Variants in MBNL1 observed in about 807,000 individuals in gnomAD.
MBNL1 encodes muscleblind-like protein 1.
A neutral mutation model predicts 42.2 loss-of-function variants in MBNL1; 8 were observed. The ratio of observed to expected loss-of-function variants is 0.19; its 90% CI spans 0.11 to 0.34. MBNL1 has a LOEUF of 0.34. Ranked by LOEUF, MBNL1 falls within the 10% of genes least tolerant of loss-of-function variation. MBNL1 has a pLI of 1.00. For synonymous variants in MBNL1, 169 were observed against 173.9 expected (o/e 0.97, Z 0.22); for missense variants, 309 against 495.3 (o/e 0.62, Z 3.57).
intron 2 of MBNL1, among the ~76,000 whole-genome samples, chr3:152,330,793 G>C (rs941633644): frequency 6.6e-6 from 1 of 152,106 alleles, no homozygotes; most frequent in African/African-American, 2.4e-5. Flanking sequence ...CACTTACTGT[G>C]CCTAATTTAT....
intron 2 of MBNL1, among the ~76,000 whole-genome samples, chr3:152,312,170 C>T (rs1321431898): frequency 4.7e-5 from 6 of 128,062 alleles, no homozygotes; most frequent in Admixed American, 1.9e-4. Context: ...CCAGCCTGGG[C>T]GACAGAGCGA....
chr3:152,356,260 TTATTATTC>T (rs1417248568), intron 2 of MBNL1, among the ~76,000 whole-genome samples: 1 of 74,268 alleles, frequency 1.3e-5, no homozygotes, highest in Non-Finnish European at 2.9e-5. Context: ...CCCGAAAAAC[TTATTATTC>T]TATTCTTTCC....
At chr3:152,409,770 C>T (rs1488087796) in intron 2 of MBNL1, among the ~76,000 whole-genome samples, 1 of 152,094 alleles carries the variant, frequency 6.6e-6, no homozygotes, top group African/African-American at 2.4e-5. Context: ...AATTGTAATC[C>T]TGCCACATAG....
chr3:152,411,646 A>G (rs150350012), intron 2 of MBNL1, among the ~76,000 whole-genome samples: 244 of 152,342 alleles, frequency 1.6e-3, no homozygotes, highest in African/African-American at 5.5e-3. Flanking sequence ...GCTCCAATAT[A>G]AAAGTCTGTA....
intron 2 of MBNL1, among the ~76,000 whole-genome samples, chr3:152,318,042 GGT>G (rs1425625183): frequency 2.0e-5 from 3 of 152,154 alleles, no homozygotes; most frequent in African/African-American, 7.2e-5. Context: ...GCATAAATTG[GGT>G]GTGTTGTTAC....
intron 2 of MBNL1, among the ~76,000 whole-genome samples, chr3:152,310,357 G>A (rs543611316): frequency 4.5e-4 from 68 of 152,260 alleles, no homozygotes; most frequent in South Asian, 2.1e-3. Flanking sequence ...TAACCCTTAC[G>A]AGGTTACACA....
At chr3:152,337,400 A>T (rs2091000711) in intron 2 of MBNL1, among the ~76,000 whole-genome samples, 1 of 152,142 alleles carries the variant, frequency 6.6e-6, no homozygotes. Flanking sequence ...CAGGTGGGTC[A>T]TTTGAGGTCA....
chr3:152,299,943 C>T lies in MBNL1; in HGVS notation c.-251C>T. On this transcript the variant is annotated 5_prime_UTR_variant, in exon 2 of 10. Coordinates refer to ENST00000324210, the MANE Select transcript of MBNL1 (RefSeq NM_021038.5). Reference sequence around the variant, plus strand: ...TTTAAACGTTCATCTACTTACAATCCTAGTATTTCTCTAAAAACCAAAACC... The same window carrying T: ...TTTAAACGTTCATCTACTTACAATCTTAGTATTTCTCTAAAAACCAAAACC... 2.1e-6 allele frequency: 1 copy of T among 477,944 alleles called. No individual in the cohort carries two copies. Among genetic ancestry groups the T allele is most frequent in the Non-Finnish European group, 3.7e-6 (1 of 273,000 alleles). 29.6% of individuals were successfully genotyped at this position (477,944 alleles called of 1,614,324 possible).
chr3:152,457,245 T>C (rs920354156), intron 8 of MBNL1, among the ~76,000 whole-genome samples: 24 of 152,372 alleles, frequency 1.6e-4, no homozygotes, highest in African/African-American at 5.8e-4. Flanking sequence ...GTTTCATTTA[T>C]GTAGATTTGG....
intron 2 of MBNL1, among the ~76,000 whole-genome samples, chr3:152,349,465 A>G (rs941124586): frequency 2.0e-5 from 3 of 152,126 alleles, no homozygotes; most frequent in African/African-American, 7.2e-5. Flanking sequence ...AAAAAATGAA[A>G]AAAAATGGAA....
chr3:152,323,844 C>T (rs968105783), intron 2 of MBNL1, among the ~76,000 whole-genome samples: 3 of 152,070 alleles, frequency 2.0e-5, no homozygotes, highest in African/African-American at 4.8e-5. Flanking sequence ...TTGACTGAAG[C>T]GTTGTTATAC....
At chr3:152,428,318 A>G (rs1052037927) in intron 3 of MBNL1, among the ~76,000 whole-genome samples, 7 of 152,216 alleles carry the variant, frequency 4.6e-5, no homozygotes, top group Admixed American at 1.3e-4. Flanking sequence ...ATAAAGCAAA[A>G]GTCTGCCCTC....
chr3:152,350,587 A>G (rs2094853262), intron 2 of MBNL1, among the ~76,000 whole-genome samples: 1 of 152,106 alleles, frequency 6.6e-6, no homozygotes, highest in African/African-American at 2.4e-5. Flanking sequence ...GAAAGAATGA[A>G]TGACAAATCG....
intron 6 of MBNL1, among the ~76,000 whole-genome samples, chr3:152,450,152 C>T (rs1286149563): frequency 4.7e-5 from 7 of 148,260 alleles, no homozygotes; most frequent in African/African-American, 9.9e-5. Flanking sequence ...TATATATACA[C>T]ACACACACAC....
intron 4 of MBNL1, 88 bp from the exon 5 acceptor site, chr3:152,445,194 T>A (rs1410219378): frequency 8.8e-7 from 1 of 1,137,302 alleles, no homozygotes; most frequent in Non-Finnish European, 1.3e-6. Context: ...TAGCCTTCTG[T>A]CACCAGTCTT....
intron 2 of MBNL1, among the ~76,000 whole-genome samples, chr3:152,261,176 C>A (rs892207295): frequency 6.6e-6 from 1 of 152,058 alleles, no homozygotes; most frequent in Non-Finnish European, 1.5e-5. Context: ...GCTTGGATGC[C>A]CCTCCCAGAA....
chr3:152,367,647 A>G (rs1408990990), intron 2 of MBNL1, among the ~76,000 whole-genome samples: 1 of 152,214 alleles, frequency 6.6e-6, no homozygotes, highest in East Asian at 1.9e-4. Context: ...TCCCACCAAC[A>G]GTGTAAAAGT....
chr3:152,391,088 C>A (rs1403645052), intron 2 of MBNL1, among the ~76,000 whole-genome samples: 1 of 152,164 alleles, frequency 6.6e-6, no homozygotes, highest in Non-Finnish European at 1.5e-5. Flanking sequence ...TAGTTATTCC[C>A]ATTTTATTGG....
intron 2 of MBNL1, among the ~76,000 whole-genome samples, chr3:152,357,038 G>A (rs564609852): frequency 3.9e-5 from 6 of 152,214 alleles, no homozygotes; most frequent in African/African-American, 9.6e-5. Context: ...TGCTATTGAC[G>A]TAAATGTTGG....
Sources: allele counts gnomAD v4.1 joint callset (sites outside exome capture counted in the v4.1 genomes callset), GRCh38; gene constraint gnomAD v4.1.1; transcripts MANE v1.5; gene names NCBI Gene and HGNC (gene_info 2026-07-23, HGNC 2026-07-21).